The following ADAMTSL1 variants were observed in gnomAD, a reference collection of about 807,000 sequenced individuals.
ADAMTSL1 encodes ADAMTS-like protein 1.
A neutral mutation model predicts 201.8 loss-of-function variants in ADAMTSL1; 126 were observed. That is an observed-to-expected ratio of 0.62 (90% CI 0.54 to 0.72). ADAMTSL1 has a LOEUF of 0.72. Among genes scored for constraint, ADAMTSL1 ranks in the 30% least tolerant of loss-of-function variants. The probability of loss-of-function intolerance (pLI) is 0.00; values close to 1 mark genes in which losing one functional copy is unlikely to be tolerated. For synonymous variants in ADAMTSL1, 1,121 were observed against 903.4 expected (o/e 1.24, Z -4.32); for missense variants, 2,679 against 2,277.8 (o/e 1.18, Z -3.59).
At chr9:18,740,510 T>G in intron 15 of ADAMTSL1, among the ~76,000 whole-genome samples, 1 of 131,096 alleles carries the variant, frequency 7.6e-6, no homozygotes, top group East Asian at 2.3e-4. Flanking sequence ...GGAGTCTCCC[T>G]CTGTCACCCA....
intron 15 of ADAMTSL1, among the ~76,000 whole-genome samples, chr9:18,726,050 A>G (rs536783423): frequency 2.6e-5 from 4 of 152,158 alleles, no homozygotes; most frequent in Non-Finnish European, 4.4e-5. Context: ...CAATTTTCTC[A>G]TCTCTGAAAT....
chr9:18,271,892 A>G (rs1832384382), intron 2 of ADAMTSL1, among the ~76,000 whole-genome samples: 1 of 151,866 alleles, frequency 6.6e-6, no homozygotes, highest in Non-Finnish European at 1.5e-5. Context: ...ATGGTATCTC[A>G]TTGTGGTTTT....
At chr9:18,802,693 C>T (rs1822875211) in intron 20 of ADAMTSL1, among the ~76,000 whole-genome samples, 2 of 152,076 alleles carry the variant, frequency 1.3e-5, no homozygotes, top group African/African-American at 2.4e-5. Flanking sequence ...TTTATGTGGA[C>T]ATATTTTTTA....
intron 3 of ADAMTSL1, among the ~76,000 whole-genome samples, chr9:18,543,236 G>A (rs750873579): frequency 6.6e-6 from 1 of 152,180 alleles, no homozygotes; most frequent in East Asian, 1.9e-4. Flanking sequence ...ATTGTGGTTT[G>A]TGTGTTTCTC....
intron 9 of ADAMTSL1, among the ~76,000 whole-genome samples, chr9:18,670,545 C>A (rs1387985667): frequency 6.6e-6 from 1 of 152,226 alleles, no homozygotes. Context: ...AGACGTGGGA[C>A]TGAATATGTG....
intron 2 of ADAMTSL1, among the ~76,000 whole-genome samples, chr9:18,164,615 A>C: frequency 6.6e-6 from 1 of 151,754 alleles, no homozygotes; most frequent in East Asian, 1.9e-4. Flanking sequence ...GAAAGTTCTA[A>C]ATGTGGTTCT....
At chr9:18,646,884 C>T (rs1827848377) in intron 7 of ADAMTSL1, among the ~76,000 whole-genome samples, 1 of 152,004 alleles carries the variant, frequency 6.6e-6, no homozygotes, top group African/African-American at 2.4e-5. Context: ...GCTTTGGTAT[C>T]AGGATGATGC....
chr9:18,214,954 T>G (rs1440695042), intron 2 of ADAMTSL1, among the ~76,000 whole-genome samples: 1 of 152,104 alleles, frequency 6.6e-6, no homozygotes, highest in African/African-American at 2.4e-5. Context: ...GAAAGAAGAT[T>G]TTAACAAATT....
At chr9:18,636,082 T>C (rs1478334644) in intron 6 of ADAMTSL1, 65 bp downstream of exon 6, 2 of 1,340,782 alleles carry the variant, frequency 1.5e-6, no homozygotes, top group African/African-American at 1.5e-5. Flanking sequence ...TATTTTGTCT[T>C]CCCAGAAAAG....
intron 1 of ADAMTSL1, among the ~76,000 whole-genome samples, chr9:17,967,167 G>C (rs768691340): frequency 1.8e-4 from 28 of 152,062 alleles, no homozygotes; most frequent in Non-Finnish European, 1.5e-5. Context: ...TCCGGATGTA[G>C]GTAGGAAATA....
intron 1 of ADAMTSL1, among the ~76,000 whole-genome samples, chr9:17,942,451 C>T (rs1342459602): frequency 1.3e-5 from 2 of 152,132 alleles, no homozygotes; most frequent in South Asian, 4.1e-4. Flanking sequence ...ACACAGGGAA[C>T]AGCATCAAAC....
Position 18,596,706 on chromosome 9 carries a change from A to G in ADAMTSL1, c.474+22440A>G, listed in dbSNP as rs916156648. Among the ~76,000 whole-genome samples, 19 of 152,190 alleles carry G rather than the reference A, an allele frequency of 1.2e-4. 1 individual carries two copies. The highest frequency in any genetic ancestry group is 4.3e-4 in the African/African-American group (18 of 41,452). On this transcript the variant is annotated intron_variant, in intron 4 of 28. Coordinates refer to ENST00000380548, the MANE Select transcript of ADAMTSL1 (RefSeq NM_001040272.6). Reference sequence around the variant, plus strand: ...AAAATGAGGTTATGAGAGATTTTGTATTGTTGATTTATTCATTCAACAGAT... The same window carrying G: ...AAAATGAGGTTATGAGAGATTTTGTGTTGTTGATTTATTCATTCAACAGAT...
intron 2 of ADAMTSL1, among the ~76,000 whole-genome samples, chr9:18,358,156 C>A (rs919515770): frequency 6.6e-6 from 1 of 152,118 alleles, no homozygotes; most frequent in Admixed American, 6.6e-5. Context: ...TATATACTTA[C>A]AGTTGTGAAA....
At chr9:18,745,493 T>C (rs1458121184) in intron 15 of ADAMTSL1, among the ~76,000 whole-genome samples, 1 of 152,186 alleles carries the variant, frequency 6.6e-6, no homozygotes, top group Non-Finnish European at 1.5e-5. Context: ...TCATTTTTTA[T>C]TCTCCCAATT....
chr9:18,147,598 T>C (rs1229293288), intron 1 of ADAMTSL1, among the ~76,000 whole-genome samples: 1 of 152,156 alleles, frequency 6.6e-6, no homozygotes, highest in Non-Finnish European at 1.5e-5. Context: ...TTCTTATAAG[T>C]CTCATTTTCA....
intron 2 of ADAMTSL1, among the ~76,000 whole-genome samples, chr9:18,447,991 A>G (rs1313904933): frequency 1.3e-5 from 2 of 152,160 alleles, no homozygotes; most frequent in Non-Finnish European, 2.9e-5. Flanking sequence ...AAGACCACCA[A>G]AACAAGAGAT....
chr9:18,895,303 C>T (rs1829554077), intron 26 of ADAMTSL1, among the ~76,000 whole-genome samples: 1 of 152,212 alleles, frequency 6.6e-6, no homozygotes, highest in South Asian at 2.1e-4. Context: ...ACTGGCTAAA[C>T]TAACCTTATA....
At chr9:18,179,862 G>A (rs1483805361) in intron 2 of ADAMTSL1, among the ~76,000 whole-genome samples, 2 of 151,858 alleles carry the variant, frequency 1.3e-5, no homozygotes, top group Non-Finnish European at 2.9e-5. Context: ...CCCTAAAAGA[G>A]CTCCTGAAGG....
rs77711581 is a variant in ADAMTSL1, at chr9:18,514,751, C to T, written c.191+9795C>T. ...TCATCTGCAAATAGAGATAATTTAA[C>T]TTCTTCCTTTCTTTTTTGGATGCCT... On this transcript the variant is annotated intron_variant, in intron 2 of 28. Transcript: ENST00000380548. Among the ~76,000 whole-genome samples, 1,513 of 152,292 alleles carry T rather than the reference C, an allele frequency of 9.9e-3. 23 individuals are homozygous for T. Among genetic ancestry groups the T allele is most frequent in the African/African-American group, 0.035 (1,436 of 41,542 alleles).
Sources: allele counts gnomAD v4.1 joint callset (sites outside exome capture counted in the v4.1 genomes callset), GRCh38; gene constraint gnomAD v4.1.1; transcripts MANE v1.5; gene names NCBI Gene and HGNC (gene_info 2026-07-23, HGNC 2026-07-21).